Variants in KIF23 observed in about 807,000 individuals in gnomAD.
The protein encoded by KIF23 is kinesin family member 23.
A neutral mutation model predicts 137.5 loss-of-function variants in KIF23; 30 were observed. The observed-to-expected ratio is 0.22, with a 90% CI of 0.16 to 0.30. KIF23 has a LOEUF of 0.30. Among genes scored for constraint, KIF23 ranks in the 10% least tolerant of loss-of-function variants. The probability of loss-of-function intolerance (pLI) is 1.00; values close to 1 mark genes in which losing one functional copy is unlikely to be tolerated. For synonymous variants in KIF23, 367 were observed against 391.1 expected, an observed-to-expected ratio of 0.94 and a Z score of 0.73; for missense variants, 920 against 1,194.3, an observed-to-expected ratio of 0.77 and a Z score of 3.38.
chr15:69,439,085 G>A (rs1202537296), intron 16 of KIF23, among the ~76,000 whole-genome samples: 3 of 149,636 alleles, frequency 2.0e-5, no homozygotes, highest in South Asian at 2.1e-4. Context: ...GTGACAGAGC[G>A]AGAGCCTGTC....
intron 2 of KIF23, among the ~76,000 whole-genome samples, 163 bp from the exon 3 acceptor site, chr15:69,417,220 C>T (rs2056938076): frequency 6.6e-6 from 1 of 152,080 alleles, no homozygotes; most frequent in Non-Finnish European, 1.5e-5. Context: ...TTGTATTTGT[C>T]AATCTCAAGT....
intron 16 of KIF23, among the ~76,000 whole-genome samples, chr15:69,439,324 T>TA (rs972346429): frequency 3.3e-5 from 5 of 152,082 alleles, no homozygotes; most frequent in African/African-American, 1.2e-4. Flanking sequence ...TTTTTTTTTT[T>TA]AATGAGATAA....
chr15:69,415,958 A>C (rs1295095652), intron 1 of KIF23, 36 bp from the exon 2 acceptor site: 3 of 1,463,682 alleles, frequency 2.0e-6, no homozygotes, highest in Middle Eastern at 3.5e-4. Flanking sequence ...GTTGAACTGA[A>C]AAAAAAGTTA....
chr15:69,414,416 G>T lies in KIF23; in HGVS notation c.-50G>T. On this transcript the variant is annotated 5_prime_UTR_variant, in exon 1 of 24. Transcript: ENST00000679126. The stretch of plus-strand genomic sequence containing the variant: ...CCGGTCCTAACGTCCCGCAGTCTTC[G>T]CCAGCCAGCCGTCCCGCATGCGCGT... The T allele has an allele frequency of 6.4e-7, 1 of 1,568,358 alleles. No homozygotes were observed.
At chr15:69,443,285 G>C (rs2057664563) in intron 19 of KIF23, among the ~76,000 whole-genome samples, 1 of 142,884 alleles carries the variant, frequency 7.0e-6, no homozygotes, top group African/African-American at 2.6e-5. Flanking sequence ...GATTTGGCCT[G>C]TGATAGACTT....
chr15:69,422,686 C>G (rs567301072), intron 6 of KIF23, among the ~76,000 whole-genome samples: 1 of 152,014 alleles, frequency 6.6e-6, no homozygotes, highest in Non-Finnish European at 1.5e-5. Context: ...GTTGTGTGTT[C>G]GGGAGGACGT....
At chr15:69,440,282 T>C (rs1483270152) in intron 17 of KIF23, 26 bp from the exon 18 acceptor site, 1 of 1,599,390 alleles carries the variant, frequency 6.3e-7, no homozygotes, top group Non-Finnish European at 8.5e-7. Context: ...GGAATGATAA[T>C]ATACATTGCC....
intron 11 of KIF23, among the ~76,000 whole-genome samples, chr15:69,431,768 T>G (rs1440464698): frequency 6.6e-6 from 1 of 152,102 alleles, no homozygotes; most frequent in African/African-American, 2.4e-5. Context: ...TAAAAGGGAT[T>G]TGAGGGATTA....
chr15:69,415,197 G>A (rs542669202), intron 1 of KIF23, among the ~76,000 whole-genome samples: 1 of 152,246 alleles, frequency 6.6e-6, no homozygotes, highest in African/African-American at 2.4e-5. Context: ...TTTATTAAGA[G>A]GCCGAAGTCA....
At chr15:69,427,951 A>G (rs1398820160) in intron 10 of KIF23, among the ~76,000 whole-genome samples, 2 of 152,182 alleles carry the variant, frequency 1.3e-5, no homozygotes, top group Non-Finnish European at 2.9e-5. Context: ...GCCCTCAATA[A>G]CCGTTAGCTA....
intron 6 of KIF23, chr15:69,422,912 T>C: frequency 2.9e-6 from 1 of 348,368 alleles, no homozygotes; most frequent in Non-Finnish European, 5.2e-6. Context: ...ACGATCCTCC[T>C]GCCTCAGCCC....
Position 69,426,326 on chromosome 15 carries a change from G to C in KIF23, c.890-10G>C. The C allele has an allele frequency of 5.0e-6, 8 of 1,613,724 alleles. No individual in the cohort carries two copies. The highest frequency in any genetic ancestry group is 2.2e-5 in the South Asian group (2 of 90,952). On this transcript the variant is annotated splice_polypyrimidine_tract_variant and intron_variant, in intron 9 of 23. Transcript: ENST00000679126. ...TTCAGGTTTGACCAATGATTTCTCT[G>C]TTGTCCTAGGCCAGAAAAAGAGACG...
intron 11 of KIF23, among the ~76,000 whole-genome samples, chr15:69,433,180 C>T (rs924423328): frequency 5.9e-5 from 9 of 152,058 alleles, no homozygotes; most frequent in African/African-American, 1.4e-4. Context: ...GGTCAAGGAA[C>T]GTAAATCATG....
At chr15:69,426,568 A>G in intron 10 of KIF23, 111 bp downstream of exon 10, 2 of 1,183,894 alleles carry the variant, frequency 1.7e-6, no homozygotes, top group Non-Finnish European at 2.4e-6. Context: ...AATTGGAAAA[A>G]TCAGCCAGGC....
At chr15:69,428,910 A>G (rs1408052792) in intron 10 of KIF23, among the ~76,000 whole-genome samples, 1 of 152,068 alleles carries the variant, frequency 6.6e-6, no homozygotes, top group Non-Finnish European at 1.5e-5. Context: ...GCCAATTGAC[A>G]AGTAATCATT....
intron 20 of KIF23, 121 bp from the exon 21 acceptor site, chr15:69,445,888 A>C (rs1241950397): frequency 1.4e-6 from 1 of 739,488 alleles, no homozygotes; most frequent in Non-Finnish European, 2.3e-6. Flanking sequence ...ACCAAGTACC[A>C]TCTGATTTTG....
At position 69,444,754 on chromosome 15, in the gene KIF23, C is replaced by A; in HGVS notation, c.2422-36C>A. 1 of 1,602,418 alleles carries A rather than the reference C, an allele frequency of 6.2e-7. No individual in the cohort carries two copies. The highest frequency in any genetic ancestry group is 8.5e-7 in the Non-Finnish European group (1 of 1,172,774). ...CAAACCTGCTGCACTTCTAATAATACCCTTAAATTAATTCTGGGTTATGCT... is the reference window on the plus strand; with the variant it reads ...CAAACCTGCTGCACTTCTAATAATAACCTTAAATTAATTCTGGGTTATGCT... On this transcript the variant is annotated intron_variant, in intron 19 of 23. Transcript: ENST00000679126. The surrounding 1 kb of genome is among the most constrained non-coding windows in gnomAD (Gnocchi z 4.2).
At chr15:69,446,745 G>GTT in intron 22 of KIF23, 126 bp from the exon 23 acceptor site, 1 of 869,150 alleles carries the variant, frequency 1.2e-6, no homozygotes, top group Non-Finnish European at 1.9e-6. Flanking sequence ...GTGTTTTAAC[G>GTT]TAAGAGTCTT....
rs762825884 is a variant in KIF23, at chr15:69,421,767, T to C, written c.316+15T>C. The C allele has an allele frequency of 2.6e-6, 4 of 1,548,962 alleles. No individual in the cohort carries two copies. Among genetic ancestry groups the C allele is most frequent in the Non-Finnish European group, 1.8e-6 (2 of 1,129,662 alleles). On this transcript the variant is annotated intron_variant, in intron 4 of 23. Transcript: ENST00000679126. Reference sequence around the variant, plus strand: ...TGGCAAAAATGGTATGATATGACTCTTGGAGTTTTGTTAGATTTTCCTTTT... The same window carrying C: ...TGGCAAAAATGGTATGATATGACTCCTGGAGTTTTGTTAGATTTTCCTTTT...
Sources: allele counts gnomAD v4.1 joint callset (sites outside exome capture counted in the v4.1 genomes callset), GRCh38; gene constraint gnomAD v4.1.1; non-coding constraint Gnocchi (gnomAD v3.1); transcripts MANE v1.5; gene names NCBI Gene and HGNC (gene_info 2026-07-23, HGNC 2026-07-21).